Variants in VAV3 observed in about 807,000 individuals in gnomAD.
The protein encoded by VAV3 is vav guanine nucleotide exchange factor 3.
Under a neutral mutation model 131.2 loss-of-function variants are expected in VAV3, and 94 were observed. That is an observed-to-expected ratio of 0.72 (90% CI 0.61 to 0.85). The LOEUF is 0.85. Ranked by LOEUF, VAV3 falls within the 40% of genes least tolerant of loss-of-function variation. The pLI is 0.00. For missense variants in VAV3, 939 were observed against 1,002.7 expected (o/e 0.94, Z 0.86); for synonymous variants, 349 against 342.0 (o/e 1.02, Z -0.22).
chr1:107,937,152 T>C (rs1175353691), intron 1 of VAV3, among the ~76,000 whole-genome samples: 1 of 152,126 alleles, frequency 6.6e-6, no homozygotes, highest in African/African-American at 2.4e-5. Flanking sequence ...ATAATGCACA[T>C]GTGACACAAA....
In VAV3 at chr1:107,753,547, T is replaced by TACACAC. The variant is rs746164101; in HGVS notation, c.1173+1879_1173+1880insGTGTGT. 8.4e-3 allele frequency among the ~76,000 whole-genome samples: 408 copies of TACACAC among 48,432 alleles called. 2 individuals are homozygous for TACACAC. Among genetic ancestry groups the TACACAC allele is most frequent in the Admixed American group, 0.011 (51 of 4,608 alleles). The allele number at this position is 48,432 out of a possible 152,430, so 31.8% of individuals were successfully genotyped here. On this transcript the variant is annotated intron_variant, in intron 12 of 26. Coordinates refer to ENST00000370056, the MANE Select transcript of VAV3 (RefSeq NM_006113.5). Reference sequence around the variant, plus strand: ...ATATACGTATATATATATATATATATATACACACACACACTTTTTTTTTTG... The same window carrying TACACAC: ...ATATACGTATATATATATATATATATACACACATACACACACACACTTTTTTTTTTG...
At position 107,573,281 on chromosome 1, in the gene VAV3, T is replaced by A. The variant is rs373579542; in HGVS notation, c.*50A>T. 6.9e-6 allele frequency: 11 copies of A among 1,604,708 alleles called. No homozygotes were observed. The African/African-American group carries it at 1.2e-4, about 18-fold the overall frequency. On this transcript the variant is annotated 3_prime_UTR_variant, in exon 27 of 27. Transcript: ENST00000370056. The stretch of plus-strand genomic sequence containing the variant: ...TTCACGATGCTGTGCAGGCTTCTAT[T>A]TATCCCTTCTCTGAAATTTTTGGTG...
chr1:107,649,355 A>C (rs1433187393), intron 19 of VAV3, among the ~76,000 whole-genome samples: 1 of 152,108 alleles, frequency 6.6e-6, no homozygotes, highest in Non-Finnish European at 1.5e-5. Context: ...CACTCATTGA[A>C]GAATATTTGC....
intron 17 of VAV3, among the ~76,000 whole-genome samples, chr1:107,695,363 G>A (rs1486265976): frequency 6.6e-6 from 1 of 152,144 alleles, no homozygotes; most frequent in Non-Finnish European, 1.5e-5. Flanking sequence ...GTTCAAGCAA[G>A]AGACAATGAG....
chr1:107,753,549 T>TATATATATATATACACACACAC (rs771773884), intron 12 of VAV3, among the ~76,000 whole-genome samples: 30 of 81,914 alleles, frequency 3.7e-4, no homozygotes, highest in Admixed American at 7.5e-4. Context: ...TATATATATA[T>TATATATATATATACACACACAC]ACACACACAC....
At chr1:107,684,861 C>T (rs1180029858) in intron 18 of VAV3, among the ~76,000 whole-genome samples, 2 of 152,156 alleles carry the variant, frequency 1.3e-5, no homozygotes, top group Admixed American at 6.5e-5. Context: ...AAGAAAAAAT[C>T]TTTTCTGTCT....
rs1658781502 is a variant in VAV3, at chr1:107,683,359, C to T, written c.1777+129G>A. The T allele has an allele frequency of 4.9e-6, 5 of 1,019,098 alleles. No homozygotes were observed. The East Asian group carries it at 1.2e-4, about 25-fold the overall frequency. The allele number at this position is 1,019,098 out of a possible 1,614,324, so 63.1% of individuals were successfully genotyped here. ...ACACGTTAGACCATGACCTCCTGGT[C>T]ACACATTATACACCAAATTATGAGG... On this transcript the variant is annotated intron_variant, in intron 19 of 26. Transcript: ENST00000370056.
chr1:107,701,158 C>A (rs1474061946), intron 17 of VAV3, among the ~76,000 whole-genome samples: 1 of 151,538 alleles, frequency 6.6e-6, no homozygotes, highest in Non-Finnish European at 1.5e-5. Flanking sequence ...TTGTTTGTTT[C>A]TTTCTTGTAA....
At chr1:107,761,304 A>G (rs1254586838) in intron 9 of VAV3, among the ~76,000 whole-genome samples, 2 of 151,354 alleles carry the variant, frequency 1.3e-5, no homozygotes, top group Non-Finnish European at 2.9e-5. Context: ...GAGGCAGGAG[A>G]ATGGAGTGAA....
chr1:107,779,589 A>T, intron 2 of VAV3, 97 bp from the exon 3 acceptor site: 1 of 880,116 alleles, frequency 1.1e-6, no homozygotes, highest in Non-Finnish European at 1.6e-6. Context: ...CCATAGCAGC[A>T]GAAACATAAA....
At chr1:107,952,810 T>C (rs2101351871) in intron 1 of VAV3, among the ~76,000 whole-genome samples, 2 of 152,198 alleles carry the variant, frequency 1.3e-5, no homozygotes, top group East Asian at 3.9e-4. Flanking sequence ...AGTCCAACAT[T>C]GAGCAGACAA....
chr1:107,885,115 C>T (rs974036941), intron 1 of VAV3, among the ~76,000 whole-genome samples: 34 of 152,194 alleles, frequency 2.2e-4, no homozygotes, highest in Non-Finnish European at 4.6e-4. Flanking sequence ...GCACACCAGC[C>T]AAGAAAACAG....
At chr1:107,832,177 C>A (rs1322154139) in intron 2 of VAV3, among the ~76,000 whole-genome samples, 2 of 152,194 alleles carry the variant, frequency 1.3e-5, no homozygotes, top group Non-Finnish European at 2.9e-5. Context: ...AAGAGCAACA[C>A]AAACATGGCC....
At chr1:107,871,582 C>G (rs2101011415) in intron 2 of VAV3, among the ~76,000 whole-genome samples, 1 of 152,098 alleles carries the variant, frequency 6.6e-6, no homozygotes, top group Admixed American at 6.5e-5. Context: ...TGAATTACTA[C>G]TGAGGAAAGA....
chr1:107,725,707 T>G (rs969674249), intron 15 of VAV3, among the ~76,000 whole-genome samples: 1 of 152,116 alleles, frequency 6.6e-6, no homozygotes, highest in Admixed American at 6.6e-5. Flanking sequence ...AGAGATGGGT[T>G]TCACCATGTT....
chr1:107,705,466 C>T (rs1215843489), intron 15 of VAV3, among the ~76,000 whole-genome samples: 4 of 151,844 alleles, frequency 2.6e-5, no homozygotes, highest in South Asian at 2.1e-4. Flanking sequence ...AGAAGAGGGT[C>T]ATCTCTAAAT....
At chr1:107,692,574 C>T (rs931568755) in intron 17 of VAV3, among the ~76,000 whole-genome samples, 2 of 152,080 alleles carry the variant, frequency 1.3e-5, no homozygotes, top group Non-Finnish European at 2.9e-5. Context: ...AAAATTGTAT[C>T]CTGAAAGCTT....
chr1:107,783,994 G>C (rs940108729), intron 2 of VAV3, among the ~76,000 whole-genome samples: 9 of 152,018 alleles, frequency 5.9e-5, no homozygotes, highest in Admixed American at 2.0e-4. Flanking sequence ...TGGGAGGTGG[G>C]GCTTGCAGTG....
chr1:107,916,634 A>G (rs1262158816), intron 1 of VAV3, among the ~76,000 whole-genome samples: 1 of 152,256 alleles, frequency 6.6e-6, no homozygotes, highest in African/African-American at 2.4e-5. Flanking sequence ...CAAAGATGTC[A>G]CAACACATGA....
Sources: gnomAD v4.1 joint callset for allele counts (sites outside exome capture counted in the v4.1 genomes callset) on GRCh38, gnomAD v4.1.1 for gene constraint, MANE v1.5 for transcripts, NCBI Gene and HGNC (gene_info 2026-07-23, HGNC 2026-07-21) for gene names.